The following KCNC1 variants were observed in gnomAD, a reference collection of about 807,000 sequenced individuals.
KCNC1 encodes potassium voltage-gated channel subfamily C member 1.
KCNC1 carries 8 observed loss-of-function variants against 43.4 expected under a neutral mutation model. The observed-to-expected ratio is 0.18, with a 90% CI of 0.11 to 0.33. The LOEUF is 0.33. Ranked by LOEUF, KCNC1 falls within the 10% of genes least tolerant of loss-of-function variation. The pLI is 1.00. For synonymous variants in KCNC1, 361 were observed against 360.5 expected (o/e 1.00, Z -0.01); for missense variants, 420 against 836.0 (o/e 0.50, Z 6.14).
In KCNC1 at chr11:17,775,729, C is replaced by T. The variant is rs1000592361; in HGVS notation, c.1504+3131C>T. 1.3e-4 allele frequency: 129 copies of T among 985,780 alleles called. 1 individual carries two copies. In the Middle Eastern group the frequency reaches 3.1e-3, roughly 24 times the overall value. The allele number at this position is 985,780 out of a possible 1,614,324, so 61.1% of individuals were successfully genotyped here. On this transcript the variant is annotated intron_variant, in intron 2 of 3. Transcript: ENST00000265969. ...GGTCAGTCCTTTGTGGTGCCGCGTC[C>T]AGGGCTGCAGGGTCCCACGTCAGTG...
chr11:17,776,024 G>T lies in KCNC1; in HGVS notation c.1504+3426G>T, dbSNP rs536383528. 5.1e-6 allele frequency: 5 copies of T among 985,406 alleles called. No homozygotes were observed. Among genetic ancestry groups the T allele is most frequent in the East Asian group, 2.3e-4 (2 of 8,790 alleles). The allele number at this position is 985,406 out of a possible 1,614,324, so 61.0% of individuals were successfully genotyped here. ...GGCAGCGCTGACTAGGCGGCGGGTGGGGCTAAGAGAGTTTCTGCAGGGACC... is the reference window on the plus strand; with the variant it reads ...GGCAGCGCTGACTAGGCGGCGGGTGTGGCTAAGAGAGTTTCTGCAGGGACC... On this transcript the variant is annotated intron_variant, in intron 2 of 3. Transcript: ENST00000265969. This position sits in a 1 kb window ranked among gnomAD's most constrained non-coding sequence, Gnocchi z 4.4.
chr11:17,773,485 G>A lies in KCNC1; in HGVS notation c.1504+887G>A. ...CCACCGAGGGTTCTCCCCGTTTCCAGCGGTAGGGACTGCAGCAGCAATATA... is the reference window on the plus strand; with the variant it reads ...CCACCGAGGGTTCTCCCCGTTTCCAACGGTAGGGACTGCAGCAGCAATATA... On this transcript the variant is annotated intron_variant, in intron 2 of 3. Transcript: ENST00000265969. The surrounding 1 kb of genome is among the most constrained non-coding windows in gnomAD (Gnocchi z 4.1). 1.0e-6 allele frequency: 1 copy of A among 984,822 alleles called. No homozygotes were observed. The highest frequency in any genetic ancestry group is 5.2e-4 in the Middle Eastern group (1 of 1,912). 61.0% of individuals were successfully genotyped at this position (984,822 alleles called of 1,614,324 possible).
intron 1 of KCNC1, among the ~76,000 whole-genome samples, chr11:17,737,752 C>G (rs149978563): frequency 3.3e-5 from 5 of 152,282 alleles, no homozygotes; most frequent in African/African-American, 1.2e-4. Context: ...CATCCCTGAG[C>G]TGCCCTCACC....
rs563518790 is a variant in KCNC1, at chr11:17,773,391, G to A, written c.1504+793G>A. On this transcript the variant is annotated intron_variant, in intron 2 of 3. Transcript: ENST00000265969. The surrounding 1 kb of genome is among the most constrained non-coding windows in gnomAD (Gnocchi z 4.1). ...GTGACCCGATGGAAGCGGCTGCCGA[G>A]CAAAAGACTAGAGGGGGCCACCACC... is the stretch of plus-strand genomic sequence containing the variant. 315 of 985,410 alleles carry A rather than the reference G, an allele frequency of 3.2e-4. 4 individuals are homozygous for A. In the South Asian group the frequency reaches 0.013, roughly 40 times the overall value. The allele number at this position is 985,410 out of a possible 1,614,324, so 61.0% of individuals were successfully genotyped here. A position where few individuals can be genotyped will look rare whatever the true frequency, so the allele number is the denominator to read the frequency against.
At chr11:17,768,581 A>C in intron 1 of KCNC1, among the ~76,000 whole-genome samples, 1 of 141,138 alleles carries the variant, frequency 7.1e-6, no homozygotes, top group East Asian at 2.5e-4. Flanking sequence ...GTCCCATATG[A>C]ACAGGGAGTA....
intron 1 of KCNC1, among the ~76,000 whole-genome samples, chr11:17,738,051 A>G (rs1395263936): frequency 6.6e-6 from 1 of 151,956 alleles, no homozygotes; most frequent in Admixed American, 6.5e-5. Context: ...CTTGAATTCT[A>G]GAACAACTGT....
At position 17,736,581 on chromosome 11, in the gene KCNC1, C is replaced by T. The variant is rs772355611; in HGVS notation, c.570+9C>T. 1 of 1,508,258 alleles carries T rather than the reference C, an allele frequency of 6.6e-7. No homozygotes were observed. Among genetic ancestry groups the T allele is most frequent in the Non-Finnish European group, 8.8e-7 (1 of 1,137,044 alleles). 93.4% of individuals were successfully genotyped at this position (1,508,258 alleles called of 1,614,324 possible). A position where few individuals can be genotyped will look rare whatever the true frequency, so the allele number is the denominator to read the frequency against. On this transcript the variant is annotated intron_variant, in intron 1 of 3. Coordinates refer to ENST00000265969, the MANE Select transcript of KCNC1 (RefSeq NM_001112741.2). The surrounding 1 kb of genome is among the most constrained non-coding windows in gnomAD (Gnocchi z 9.3). ...CGTCCCGCTACGCGCGGGTAAGTGACAATTTACCCATCAGAAGAGCGGGGC... is the reference window on the plus strand; with the variant it reads ...CGTCCCGCTACGCGCGGGTAAGTGATAATTTACCCATCAGAAGAGCGGGGC...
At position 17,773,157 on chromosome 11, in the gene KCNC1, T is replaced by C; in HGVS notation, c.1504+559T>C. The C allele has an allele frequency of 1.0e-6, 1 of 986,830 alleles. No individual in the cohort carries two copies. Among genetic ancestry groups the C allele is most frequent in the Non-Finnish European group, 1.2e-6 (1 of 831,070 alleles). The allele number at this position is 986,830 out of a possible 1,614,324, so 61.1% of individuals were successfully genotyped here. A position where few individuals can be genotyped will look rare whatever the true frequency, so the allele number is the denominator to read the frequency against. On this transcript the variant is annotated intron_variant, in intron 2 of 3. Coordinates refer to ENST00000265969, the MANE Select transcript of KCNC1 (RefSeq NM_001112741.2). This position sits in a 1 kb window ranked among gnomAD's most constrained non-coding sequence, Gnocchi z 4.1. ...GCCTGTCTCCATAGCTGAGTAGAATTCCTGCCCTGATTTCGGGCTGCCCAG... is the reference window on the plus strand; with the variant it reads ...GCCTGTCTCCATAGCTGAGTAGAATCCCTGCCCTGATTTCGGGCTGCCCAG...
chr11:17,773,002 G>A lies in KCNC1; in HGVS notation c.1504+404G>A, dbSNP rs1467021086. On this transcript the variant is annotated intron_variant, in intron 2 of 3. Coordinates refer to ENST00000265969, the MANE Select transcript of KCNC1 (RefSeq NM_001112741.2). The surrounding 1 kb of genome is among the most constrained non-coding windows in gnomAD (Gnocchi z 4.1). ...GTGGGGGCGGGTGTGATTTGGAAAC[G>A]CTAGACAGCCTTTGATCTGGTCCTT... 35 of 1,069,220 alleles carry A rather than the reference G, an allele frequency of 3.3e-5. No individual in the cohort carries two copies. The highest frequency in any genetic ancestry group is 7.3e-5 in the East Asian group (1 of 13,724). The allele number at this position is 1,069,220 out of a possible 1,614,324, so 66.2% of individuals were successfully genotyped here. A position where few individuals can be genotyped will look rare whatever the true frequency, so the allele number is the denominator to read the frequency against.
At chr11:17,746,019 G>A (rs1318880105) in intron 1 of KCNC1, among the ~76,000 whole-genome samples, 2 of 152,120 alleles carry the variant, frequency 1.3e-5, no homozygotes, top group Non-Finnish European at 2.9e-5. Context: ...GCTAGAGTAG[G>A]GCCTGGTACA....
intron 1 of KCNC1, among the ~76,000 whole-genome samples, chr11:17,752,489 G>A (rs10766430): frequency 0.12 from 18,364 of 152,192 alleles, 1,219 homozygotes; most frequent in African/African-American, 0.14. Flanking sequence ...ATGCAAACAT[G>A]CAGACATCTG....
In KCNC1 at chr11:17,736,725, G is replaced by C. The variant is rs1030301180; in HGVS notation, c.570+153G>C. Among the ~76,000 whole-genome samples the C allele has an allele frequency of 3.9e-5, 6 of 152,248 alleles. No individual in the cohort carries two copies. Among genetic ancestry groups the C allele is most frequent in the African/African-American group, 1.2e-4 (5 of 41,466 alleles). ...GTGTGCACGTACCAGGGTAAGAGAG[G>C]AAGGGTGTCCGCCGGGGTTCTGGTT... is the stretch of plus-strand genomic sequence containing the variant. On this transcript the variant is annotated intron_variant, in intron 1 of 3. Coordinates refer to ENST00000265969, the MANE Select transcript of KCNC1 (RefSeq NM_001112741.2). This position sits in a 1 kb window ranked among gnomAD's most constrained non-coding sequence, Gnocchi z 9.3.
At chr11:17,750,578 TC>T (rs1311724372) in intron 1 of KCNC1, among the ~76,000 whole-genome samples, 1 of 152,152 alleles carries the variant, frequency 6.6e-6, no homozygotes, top group Admixed American at 6.5e-5. Context: ...ACTTTCCATG[TC>T]CCCAGCCCTT....
chr11:17,768,898 A>G (rs752270371), intron 1 of KCNC1, among the ~76,000 whole-genome samples: 7 of 152,240 alleles, frequency 4.6e-5, no homozygotes, highest in Non-Finnish European at 1.0e-4. Flanking sequence ...TACCCAGCAG[A>G]CCAGGATGTG....
chr11:17,781,938 A>T lies in KCNC1; in HGVS notation c.*204A>T. The T allele has an allele frequency of 9.0e-6, 4 of 445,762 alleles. No homozygotes were observed. Among genetic ancestry groups the T allele is most frequent in the East Asian group, 3.5e-5 (1 of 28,296 alleles). The allele number at this position is 445,762 out of a possible 1,614,324, so 27.6% of individuals were successfully genotyped here. A position where few individuals can be genotyped will look rare whatever the true frequency, so the allele number is the denominator to read the frequency against. On this transcript the variant is annotated 3_prime_UTR_variant, in exon 4 of 4. Coordinates refer to ENST00000265969, the MANE Select transcript of KCNC1 (RefSeq NM_001112741.2). This position sits in a 1 kb window ranked among gnomAD's most constrained non-coding sequence, Gnocchi z 5.1. ...TAGAGGATTTCTTTTCCTTCTTTTC[A>T]TTTTTTAAAATTTTATTTTATTTGG...
chr11:17,754,982 T>C (rs999178240), intron 1 of KCNC1, among the ~76,000 whole-genome samples: 1 of 152,176 alleles, frequency 6.6e-6, no homozygotes, highest in Non-Finnish European at 1.5e-5. Flanking sequence ...TCTTAGATGA[T>C]CTGTGCTGGG....
chr11:17,767,290 A>C (rs1383274856), intron 1 of KCNC1, among the ~76,000 whole-genome samples: 1 of 130,292 alleles, frequency 7.7e-6, no homozygotes, highest in Non-Finnish European at 1.9e-5. Flanking sequence ...GTCTCAAAAA[A>C]AAAAAAAAAA....
rs775370012 is a variant in KCNC1, at chr11:17,779,555, C to T, written c.1604C>T (p.Thr535Met). Reference sequence around the variant, plus strand: ...ACTCCCGATGAGGGCCTGCCCTTTACGCGCTCGGGCACCCGCGAGAGATAC... The same window carrying T: ...ACTCCCGATGAGGGCCTGCCCTTTATGCGCTCGGGCACCCGCGAGAGATAC... ...ALTPDEGLPFTRSGTRERYGP... is the reference protein window; with the variant it reads ...ALTPDEGLPFMRSGTRERYGP... The change falls in exon 3 of 4, where the codon ACG becomes ATG. Residue 535 changes from threonine (T) to methionine (M), a missense_variant. Thr to Met is a moderately conservative substitution (Grantham distance 81, BLOSUM62 -1). Transcript: ENST00000265969. This position sits in a 1 kb window ranked among gnomAD's most constrained non-coding sequence, Gnocchi z 7.2. The T allele has an allele frequency of 2.4e-5, 38 of 1,551,448 alleles. No homozygotes were observed. The East Asian group carries it at 3.2e-4, about 13-fold the overall frequency.
intron 1 of KCNC1, among the ~76,000 whole-genome samples, chr11:17,764,883 CAATT>C (rs1263272398): frequency 1.3e-5 from 2 of 152,094 alleles, no homozygotes; most frequent in African/African-American, 4.8e-5. Flanking sequence ...ACTCAACTGA[CAATT>C]TATTTAGGAC....
Sources: gnomAD v4.1 joint callset for allele counts (sites outside exome capture counted in the v4.1 genomes callset) on GRCh38, gnomAD v4.1.1 for gene constraint, Gnocchi (gnomAD v3.1) non-coding constraint, MANE v1.5 for transcripts, NCBI Gene and HGNC (gene_info 2026-07-23, HGNC 2026-07-21) for gene names.